NUP62: variants seen among roughly 807,000 people sequenced by gnomAD.
NUP62 encodes the protein nuclear pore glycoprotein p62.
For synonymous variants in NUP62, 305 were observed against 303.4 expected, an observed-to-expected ratio of 1.01 and a Z score of -0.05; for missense variants, 647 against 689.4, an observed-to-expected ratio of 0.94 and a Z score of 0.69.
intron 2 of NUP62, among the ~76,000 whole-genome samples, chr19:49,913,630 G>T (rs1021320413): frequency 6.6e-6 from 1 of 152,226 alleles, no homozygotes; most frequent in Non-Finnish European, 1.5e-5. Context: ...CTGGAAGCTC[G>T]TGCCTGGTCT....
At chr19:49,923,196 G>A (rs141065442) in intron 2 of NUP62, among the ~76,000 whole-genome samples, 283 of 152,200 alleles carry the variant, frequency 1.9e-3, no homozygotes, top group African/African-American at 6.4e-3. Context: ...CCCAGCCCCC[G>A]CGTCATCCTC....
chr19:49,923,459 A>G (rs974088083), intron 2 of NUP62, among the ~76,000 whole-genome samples: 1 of 152,178 alleles, frequency 6.6e-6, no homozygotes, highest in African/African-American at 2.4e-5. Context: ...TTGCCCTCGA[A>G]GCGTTCGGGG....
At chr19:49,928,948 A>C (rs2075985036) in intron 1 of NUP62, 1 of 152,592 alleles carries the variant, frequency 6.6e-6, no homozygotes, top group Non-Finnish European at 1.5e-5. Flanking sequence ...AGTCAGGAGG[A>C]GGAAACCAGA....
chr19:49,922,050 G>A (rs949053714), intron 2 of NUP62, among the ~76,000 whole-genome samples: 8 of 152,164 alleles, frequency 5.3e-5, no homozygotes, highest in Non-Finnish European at 1.2e-4. Flanking sequence ...CCTCAACACA[G>A]ACAACATGAT....
intron 2 of NUP62, among the ~76,000 whole-genome samples, chr19:49,919,878 T>G (rs1014119307): frequency 2.0e-5 from 3 of 152,202 alleles, no homozygotes; most frequent in Non-Finnish European, 4.4e-5. Flanking sequence ...TAACTTTTAT[T>G]TCTTACTCTT....
chr19:49,916,176 A>C (rs1284078497), intron 2 of NUP62, among the ~76,000 whole-genome samples: 1 of 152,210 alleles, frequency 6.6e-6, no homozygotes, highest in African/African-American at 2.4e-5. Context: ...TCCAGGGCCA[A>C]GTCTTGACAT....
intron 2 of NUP62, among the ~76,000 whole-genome samples, chr19:49,924,143 C>A (rs1243095249): frequency 6.6e-6 from 1 of 152,190 alleles, no homozygotes; most frequent in Non-Finnish European, 1.5e-5. Flanking sequence ...AGAGACTACA[C>A]CATGGGCCTC....
At chr19:49,911,543 A>G (rs1568705254) in intron 2 of NUP62, among the ~76,000 whole-genome samples, 1 of 151,904 alleles carries the variant, frequency 6.6e-6, no homozygotes, top group Non-Finnish European at 1.5e-5. Flanking sequence ...AACCTATCTC[A>G]CTACCCCCAC....
Position 49,908,425 on chromosome 19 carries a change from G to T in NUP62, c.1383C>A (p.Ser461=). ...GGTCACTGGTGTCGGCGGGGGCCCCGGACGTGTTCAGGTGCTCGATGATGT... is the reference window on the plus strand; with the variant it reads ...GGTCACTGGTGTCGGCGGGGGCCCCTGACGTGTTCAGGTGCTCGATGATGT... ...LKDIIEHLNT[S]GAPADTSDPL... The change falls in exon 3 of 3, where the codon TCC becomes TCA. Residue 461 remains serine, a synonymous_variant. Transcript: ENST00000352066. 6.2e-7 allele frequency: 1 copy of T among 1,614,122 alleles called. No individual in the cohort carries two copies. Among genetic ancestry groups the T allele is most frequent in the Non-Finnish European group, 8.5e-7 (1 of 1,180,048 alleles).
chr19:49,908,146 CAAGT>C lies in NUP62; in HGVS notation c.*89_*92del. ...CATGTGAAAGAAAGAAACAAACAAA[CAAGT>C]ATCTTGCCACAACCCCAAACTACAG... On this transcript the variant is annotated 3_prime_UTR_variant, in exon 3 of 3. Coordinates refer to ENST00000352066, the MANE Select transcript of NUP62 (RefSeq NM_016553.5). 6.5e-7 allele frequency: 1 copy of C among 1,540,258 alleles called. No homozygotes were observed. The highest frequency in any genetic ancestry group is 8.7e-7 in the Non-Finnish European group (1 of 1,146,730).
In NUP62 at chr19:49,908,146, C is replaced by A. The variant is rs775828349; in HGVS notation, c.*93G>T. 51 of 1,540,140 alleles carry A rather than the reference C, an allele frequency of 3.3e-5. No homozygotes were observed. Among genetic ancestry groups the A allele is most frequent in the Non-Finnish European group, 4.3e-5 (49 of 1,146,738 alleles). On this transcript the variant is annotated 3_prime_UTR_variant, in exon 3 of 3. Transcript: ENST00000352066. ...CATGTGAAAGAAAGAAACAAACAAA[C>A]AAGTATCTTGCCACAACCCCAAACT...
intron 2 of NUP62, among the ~76,000 whole-genome samples, chr19:49,919,083 G>A (rs2075700991): frequency 6.6e-6 from 1 of 151,834 alleles, no homozygotes; most frequent in South Asian, 2.1e-4. Flanking sequence ...AACCTGGGAG[G>A]CGGAGGTTGC....
At chr19:49,915,888 G>T (rs2075611674) in intron 2 of NUP62, among the ~76,000 whole-genome samples, 1 of 152,224 alleles carries the variant, frequency 6.6e-6, no homozygotes, top group East Asian at 1.9e-4. Flanking sequence ...GAAGGACAAG[G>T]TTGCCTCCGA....
intron 2 of NUP62, among the ~76,000 whole-genome samples, chr19:49,913,883 A>G (rs1600519726): frequency 6.6e-6 from 1 of 152,100 alleles, no homozygotes; most frequent in Admixed American, 6.6e-5. Context: ...GGCGGACTTT[A>G]TGGGTGTGGG....
rs2075766510 is a variant in NUP62 at position 49,921,591 on chromosome 19, A to G, written c.-78+6103T>C. Among the ~76,000 whole-genome samples the G allele has an allele frequency of 6.6e-6, 1 of 152,184 alleles. No homozygotes were observed. Among genetic ancestry groups the G allele is most frequent in the African/African-American group, 2.4e-5 (1 of 41,446 alleles). ...TGCTCTGTGGTAGGTCAGGAAGAAG[A>G]GGGCAAAGGAGTCTGCATCAAACTG... On this transcript the variant is annotated intron_variant, in intron 2 of 2. Coordinates refer to ENST00000352066, the MANE Select transcript of NUP62 (RefSeq NM_016553.5). This position sits in a 1 kb window ranked among gnomAD's most constrained non-coding sequence, Gnocchi z 5.4.
intron 2 of NUP62, among the ~76,000 whole-genome samples, chr19:49,923,661 C>T (rs2075816346): frequency 6.6e-6 from 1 of 152,268 alleles, no homozygotes; most frequent in Non-Finnish European, 1.5e-5. Context: ...CTATGCCAGG[C>T]CCCACTCTAG....
chr19:49,908,031 C>T lies in NUP62; in HGVS notation c.*208G>A, dbSNP rs905035903. 1.8e-6 allele frequency: 2 copies of T among 1,092,736 alleles called. No individual in the cohort carries two copies. Among genetic ancestry groups the T allele is most frequent in the Non-Finnish European group, 2.5e-6 (2 of 789,102 alleles). The allele number at this position is 1,092,736 out of a possible 1,614,324, so 67.7% of individuals were successfully genotyped here. On this transcript the variant is annotated 3_prime_UTR_variant, in exon 3 of 3. Coordinates refer to ENST00000352066, the MANE Select transcript of NUP62 (RefSeq NM_016553.5). Reference sequence around the variant, plus strand: ...ACTCAAATGAAAGCCACAGAAGCCACACCCATGAGGCTGCTGCCTGGGCAG... The same window carrying T: ...ACTCAAATGAAAGCCACAGAAGCCATACCCATGAGGCTGCTGCCTGGGCAG...
Position 49,908,146 on chromosome 19 carries a change from C to T in NUP62, c.*93G>A, listed in dbSNP as rs775828349. On this transcript the variant is annotated 3_prime_UTR_variant, in exon 3 of 3. Transcript: ENST00000352066. ...CATGTGAAAGAAAGAAACAAACAAA[C>T]AAGTATCTTGCCACAACCCCAAACT... 6.5e-7 allele frequency: 1 copy of T among 1,540,258 alleles called. No homozygotes were observed. Among genetic ancestry groups the T allele is most frequent in the South Asian group, 1.2e-5 (1 of 85,512 alleles).
At chr19:49,913,427 G>C (rs1158309913) in intron 2 of NUP62, among the ~76,000 whole-genome samples, 1 of 152,226 alleles carries the variant, frequency 6.6e-6, no homozygotes, top group African/African-American at 2.4e-5. Context: ...GTGACCTAGA[G>C]TGGGGGCTTT....
Sources: allele counts gnomAD v4.1 joint callset (sites outside exome capture counted in the v4.1 genomes callset), GRCh38; gene constraint gnomAD v4.1.1; non-coding constraint Gnocchi (gnomAD v3.1); transcripts MANE v1.5; gene names NCBI Gene and HGNC (gene_info 2026-07-23, HGNC 2026-07-21).